Variants in SRBD1 observed in about 807,000 individuals in gnomAD.
SRBD1 encodes S1 RNA-binding domain-containing protein 1.
In SRBD1, 88 loss-of-function variants were observed where a neutral mutation model predicts 115.3. That is an observed-to-expected ratio of 0.76 (90% CI 0.64 to 0.91). SRBD1 has a LOEUF of 0.91. SRBD1 is among the 40% of genes least tolerant of loss of function. The pLI, the probability that SRBD1 is intolerant of heterozygous loss-of-function variation, is 0.00. For missense variants in SRBD1, 1,385 were observed against 1,177.4 expected, an observed-to-expected ratio of 1.18 and a Z score of -2.58; for synonymous variants, 509 against 407.7, an observed-to-expected ratio of 1.25 and a Z score of -2.99.
At chr2:45,508,914 G>C (rs1670876606) in intron 14 of SRBD1, among the ~76,000 whole-genome samples, 1 of 152,018 alleles carries the variant, frequency 6.6e-6, no homozygotes, top group South Asian at 2.1e-4. Flanking sequence ...ATGTTTAAAT[G>C]AGAGAAGAAA....
chr2:45,505,024 T>A (rs1670755526), intron 14 of SRBD1, among the ~76,000 whole-genome samples: 1 of 151,878 alleles, frequency 6.6e-6, no homozygotes, highest in Non-Finnish European at 1.5e-5. Flanking sequence ...ACCAAATAGG[T>A]GCAAAGGAGA....
intron 10 of SRBD1, among the ~76,000 whole-genome samples, chr2:45,560,987 G>T (rs1306041400): frequency 6.6e-6 from 1 of 151,802 alleles, no homozygotes; most frequent in African/African-American, 2.4e-5. Context: ...TGCACCTATG[G>T]TCCCAGCTAC....
At chr2:45,568,769 A>T (rs1322555900) in intron 9 of SRBD1, among the ~76,000 whole-genome samples, 1 of 152,260 alleles carries the variant, frequency 6.6e-6, no homozygotes, top group Non-Finnish European at 1.5e-5. Context: ...AAATCAACAT[A>T]AAAGGTGGAC....
intron 14 of SRBD1, among the ~76,000 whole-genome samples, chr2:45,529,974 T>C (rs369654134): frequency 1.2e-4 from 19 of 152,056 alleles, no homozygotes; most frequent in African/African-American, 3.9e-4. Context: ...TAACTTAAAA[T>C]AGGAAGTAGA....
chr2:45,419,067 G>C (rs564422705), intron 17 of SRBD1, among the ~76,000 whole-genome samples: 2 of 152,238 alleles, frequency 1.3e-5, no homozygotes, highest in East Asian at 3.9e-4. Context: ...TAGGTAGTTT[G>C]CTTGGTGTCA....
At chr2:45,441,446 T>C (rs1178818330) in intron 16 of SRBD1, among the ~76,000 whole-genome samples, 3 of 152,376 alleles carry the variant, frequency 2.0e-5, no homozygotes, top group African/African-American at 4.8e-5. Flanking sequence ...TTTGTTATTG[T>C]ATCCTGGTAC....
intron 16 of SRBD1, among the ~76,000 whole-genome samples, chr2:45,446,567 T>C (rs1017024889): frequency 1.3e-5 from 2 of 152,194 alleles, no homozygotes; most frequent in Non-Finnish European, 2.9e-5. Context: ...CAGTCCAATA[T>C]TGAATAAGAA....
In SRBD1 at chr2:45,551,197, G is replaced by T; in HGVS notation, c.1603C>A (p.Pro535Thr). The change falls in exon 12 of 21, where the codon CCA (proline) becomes ACA (threonine). Residue 535 changes from proline (P) to threonine (T), a missense_variant. Transcript: ENST00000263736. ...TCCACTCCCATTAAGGTGCGCCCTGGAACAGGGCTTGTTAAAAGGAGCTGA... is the reference window on the plus strand; with the variant it reads ...TCCACTCCCATTAAGGTGCGCCCTGTAACAGGGCTTGTTAAAAGGAGCTGA... ...LRQLLLTSPV[P>T]GRTLMGVDPG... 2 of 1,613,106 alleles carry T rather than the reference G, an allele frequency of 1.2e-6. No homozygotes were observed. The highest frequency in any genetic ancestry group is 2.7e-5 in the African/African-American group (2 of 75,012).
At chr2:45,400,969 G>A (rs1045136221) in intron 19 of SRBD1, among the ~76,000 whole-genome samples, 2 of 152,100 alleles carry the variant, frequency 1.3e-5, no homozygotes, top group African/African-American at 4.8e-5. Flanking sequence ...TGCCAGAAAC[G>A]TCATGTGGGC....
chr2:45,564,820 G>A (rs1464575113), intron 9 of SRBD1, among the ~76,000 whole-genome samples: 2 of 152,108 alleles, frequency 1.3e-5, no homozygotes, highest in African/African-American at 4.8e-5. Context: ...CCACGCATAA[G>A]GAGAGCTGAT....
At chr2:45,570,879 A>C (rs1255034157) in intron 9 of SRBD1, among the ~76,000 whole-genome samples, 1 of 152,184 alleles carries the variant, frequency 6.6e-6, no homozygotes, top group Admixed American at 6.5e-5. Context: ...CTCAGGACAG[A>C]AGAAGCCTCC....
chr2:45,463,741 T>G (rs1274455453), intron 16 of SRBD1, among the ~76,000 whole-genome samples: 1 of 152,184 alleles, frequency 6.6e-6, no homozygotes, highest in Non-Finnish European at 1.5e-5. Flanking sequence ...AATACCTTTA[T>G]GAAGGATTAA....
chr2:45,472,351 T>G (rs941984652), intron 16 of SRBD1, among the ~76,000 whole-genome samples: 5 of 152,250 alleles, frequency 3.3e-5, no homozygotes, highest in Non-Finnish European at 7.3e-5. Context: ...TGAATGCGTT[T>G]CTTTTTGGGG....
At chr2:45,446,345 C>T (rs1238538366) in intron 16 of SRBD1, among the ~76,000 whole-genome samples, 1 of 152,098 alleles carries the variant, frequency 6.6e-6, no homozygotes, top group African/African-American at 2.4e-5. Context: ...GACCCTAAGT[C>T]CCCATTATCA....
chr2:45,580,676 C>CA (rs1673330836), intron 6 of SRBD1, among the ~76,000 whole-genome samples: 7 of 76,350 alleles, frequency 9.2e-5, no homozygotes, highest in Non-Finnish European at 1.4e-4. Context: ...TCTTCTACTT[C>CA]TTTTTTTTTT....
At chr2:45,548,539 A>G (rs1202181667) in intron 12 of SRBD1, among the ~76,000 whole-genome samples, 1 of 152,132 alleles carries the variant, frequency 6.6e-6, no homozygotes, top group Non-Finnish European at 1.5e-5. Context: ...TAGAACAATT[A>G]TCCTATAAGC....
At chr2:45,496,990 A>G (rs886137772) in intron 14 of SRBD1, among the ~76,000 whole-genome samples, 8 of 152,210 alleles carry the variant, frequency 5.3e-5, no homozygotes, top group African/African-American at 1.9e-4. Flanking sequence ...TACACTGAAC[A>G]GATGGAGGGA....
chr2:45,475,943 C>G (rs958108940), intron 16 of SRBD1, among the ~76,000 whole-genome samples: 2 of 152,214 alleles, frequency 1.3e-5, no homozygotes, highest in African/African-American at 4.8e-5. Flanking sequence ...AAGTGATCCA[C>G]CTGCCTTGGC....
chr2:45,557,196 C>G lies in SRBD1; in HGVS notation c.1410-3466G>C, dbSNP rs182208772. On this transcript the variant is annotated intron_variant, in intron 10 of 20. Transcript: ENST00000263736. ...ATGAGGGTAGAAAATGTGGCAGTGG[C>G]TGGATCATAAAGGGTCTTATACACA... Among the ~76,000 whole-genome samples the G allele has an allele frequency of 1.1e-3, 163 of 152,194 alleles. 2 individuals carry two copies. The East Asian group carries it at 0.017, about 16-fold the overall frequency.
Sources: allele counts gnomAD v4.1 joint callset (sites outside exome capture counted in the v4.1 genomes callset), GRCh38; gene constraint gnomAD v4.1.1; transcripts MANE v1.5; gene names NCBI Gene and HGNC (gene_info 2026-07-23, HGNC 2026-07-21).